Variants in BTBD9 observed in about 807,000 individuals in gnomAD.
BTBD9 encodes BTB domain containing 9.
Under a neutral mutation model 64.3 loss-of-function variants are expected in BTBD9, and 49 were observed. The observed-to-expected ratio is 0.76, with a 90% CI of 0.61 to 0.97. The LOEUF (loss-of-function observed/expected upper bound fraction) is 0.97. BTBD9 is among the 50% of genes least tolerant of loss of function. The pLI, the probability that BTBD9 is intolerant of heterozygous loss-of-function variation, is 0.00. For missense variants in BTBD9, 598 were observed against 762.1 expected, an observed-to-expected ratio of 0.78 and a Z score of 2.53; for synonymous variants, 260 against 274.7, an observed-to-expected ratio of 0.95 and a Z score of 0.53.
chr6:38,392,640 A>G (rs1028599736), intron 6 of BTBD9, among the ~76,000 whole-genome samples: 6 of 152,198 alleles, frequency 3.9e-5, no homozygotes, highest in Non-Finnish European at 5.9e-5. Flanking sequence ...CAGAGATATA[A>G]AGTAACCTGT....
intron 6 of BTBD9, among the ~76,000 whole-genome samples, chr6:38,566,496 C>CT (rs1173379962): frequency 6.6e-6 from 1 of 152,148 alleles, no homozygotes; most frequent in Non-Finnish European, 1.5e-5. Flanking sequence ...GTGCAGACAG[C>CT]TTACCGGTGT....
intron 8 of BTBD9, among the ~76,000 whole-genome samples, chr6:38,266,292 G>T (rs1251224324): frequency 1.3e-5 from 2 of 152,106 alleles, no homozygotes; most frequent in Non-Finnish European, 2.9e-5. Flanking sequence ...AAAATTCTCA[G>T]CCAGGCACGG....
intron 7 of BTBD9, among the ~76,000 whole-genome samples, chr6:38,303,366 TG>T (rs70981537): frequency 0.17 from 25,867 of 152,150 alleles, 2,352 homozygotes; most frequent in Admixed American, 0.2. Flanking sequence ...CGACTGTTCC[TG>T]CTCACCAAAC....
intron 6 of BTBD9, among the ~76,000 whole-genome samples, chr6:38,349,702 G>A (rs972618449): frequency 2.6e-5 from 4 of 152,006 alleles, no homozygotes; most frequent in African/African-American, 9.7e-5. Context: ...ATCCCCTGAG[G>A]ATAAGGAGGG....
chr6:38,607,305 A>G lies in BTBD9; in HGVS notation c.-27-9184T>C, dbSNP rs112322053. Among the ~76,000 whole-genome samples the G allele has an allele frequency of 2.8e-3, 433 of 152,312 alleles. 5 individuals carry two copies. Among genetic ancestry groups the G allele is most frequent in the African/African-American group, 9.3e-3 (388 of 41,586 alleles). On this transcript the variant is annotated intron_variant, in intron 1 of 10. Transcript: ENST00000481247. ...TGAAAAATTAAGAATAGAAACCAATATAAAGCTCAACTCAACATATACTGA... is the reference window on the plus strand; with the variant it reads ...TGAAAAATTAAGAATAGAAACCAATGTAAAGCTCAACTCAACATATACTGA...
At chr6:38,502,180 G>C (rs964453681) in intron 6 of BTBD9, among the ~76,000 whole-genome samples, 8 of 152,314 alleles carry the variant, frequency 5.3e-5, no homozygotes, top group African/African-American at 1.9e-4. Context: ...TGGGCCAGCT[G>C]CTCACCATGG....
intron 6 of BTBD9, among the ~76,000 whole-genome samples, chr6:38,434,599 G>A (rs1392758141): frequency 1.3e-5 from 2 of 151,916 alleles, no homozygotes; most frequent in Non-Finnish European, 2.9e-5. Context: ...GGTCTCCTGA[G>A]GGCTGTGTCA....
intron 9 of BTBD9, among the ~76,000 whole-genome samples, chr6:38,235,113 C>A (rs980875203): frequency 1.4e-4 from 22 of 152,174 alleles, no homozygotes; most frequent in Non-Finnish European, 3.2e-4. Flanking sequence ...TGTTCCACAG[C>A]GAGCCTGCAC....
At chr6:38,471,180 C>T (rs1374810604) in intron 6 of BTBD9, among the ~76,000 whole-genome samples, 1 of 152,134 alleles carries the variant, frequency 6.6e-6, no homozygotes, top group Admixed American at 6.5e-5. Context: ...AAATGGCTAT[C>T]AAACCTTAAC....
intron 6 of BTBD9, among the ~76,000 whole-genome samples, chr6:38,425,735 C>T (rs1768113029): frequency 6.6e-6 from 1 of 150,696 alleles, no homozygotes; most frequent in African/African-American, 2.5e-5. Context: ...CAGTGAGACC[C>T]CATCACTACC....
At chr6:38,604,259 G>A (rs1777350957) in intron 1 of BTBD9, among the ~76,000 whole-genome samples, 1 of 152,168 alleles carries the variant, frequency 6.6e-6, no homozygotes, top group Non-Finnish European at 1.5e-5. Flanking sequence ...CCAAAGTCTT[G>A]TCATTCTGTA....
At chr6:38,588,950 T>TA (rs1479458605) in intron 4 of BTBD9, among the ~76,000 whole-genome samples, 1 of 152,194 alleles carries the variant, frequency 6.6e-6, no homozygotes, top group Non-Finnish European at 1.5e-5. Context: ...ATGATTGAAT[T>TA]AAAAAAACCT....
chr6:38,434,991 T>A (rs1047677325), intron 6 of BTBD9, among the ~76,000 whole-genome samples: 1 of 151,722 alleles, frequency 6.6e-6, no homozygotes, highest in African/African-American at 2.4e-5. Flanking sequence ...GGTCGGGAGT[T>A]CGAGACCAGC....
intron 9 of BTBD9, among the ~76,000 whole-genome samples, chr6:38,222,385 C>T (rs371383951): frequency 7.9e-5 from 12 of 150,982 alleles, no homozygotes; most frequent in Admixed American, 1.3e-4. Flanking sequence ...CTCAGCCTCC[C>T]GAGTAGCTGG....
At chr6:38,251,771 A>C (rs957284875) in intron 9 of BTBD9, among the ~76,000 whole-genome samples, 17 of 152,018 alleles carry the variant, frequency 1.1e-4, no homozygotes, top group Admixed American at 9.2e-4. Context: ...ATATGCCTGT[A>C]ATCTCAACTA....
chr6:38,488,894 C>CT lies in BTBD9; in HGVS notation c.1154+88705dup, dbSNP rs66933448. On this transcript the variant is annotated intron_variant, in intron 6 of 10. Coordinates refer to ENST00000481247, the MANE Select transcript of BTBD9 (RefSeq NM_001099272.2). ...TCAACATTTTATTATTTCCTTGCAACTTTTTTTTTTTTTTTTGAGACAGAA... is the reference window on the plus strand; with the variant it reads ...TCAACATTTTATTATTTCCTTGCAACTTTTTTTTTTTTTTTTTGAGACAGAA... Among the ~76,000 whole-genome samples the CT allele has an allele frequency of 1.7e-3, 223 of 132,806 alleles. 4 individuals are homozygous for CT. The South Asian group carries it at 0.032, about 19-fold the overall frequency. The allele number at this position is 132,806 out of a possible 152,430, so 87.1% of individuals were successfully genotyped here.
At chr6:38,255,444 A>G (rs1169110978) in intron 9 of BTBD9, among the ~76,000 whole-genome samples, 1 of 152,232 alleles carries the variant, frequency 6.6e-6, no homozygotes, top group Admixed American at 6.5e-5. Context: ...TCAATTTTAA[A>G]AAGAAAAATA....
chr6:38,552,754 G>GAAA (rs201496890), intron 6 of BTBD9, among the ~76,000 whole-genome samples: 3 of 108,812 alleles, frequency 2.8e-5, no homozygotes, highest in Non-Finnish European at 5.9e-5. Context: ...AAAAGAAAAA[G>GAAA]AAAAAAAAAA....
chr6:38,258,514 AT>A (rs1411987458), intron 8 of BTBD9, among the ~76,000 whole-genome samples: 1 of 152,082 alleles, frequency 6.6e-6, no homozygotes, highest in Non-Finnish European at 1.5e-5. Flanking sequence ...CGTCTTACTG[AT>A]TTTTTCTATA....
Sources: gnomAD v4.1 joint callset for allele counts (sites outside exome capture counted in the v4.1 genomes callset) on GRCh38, gnomAD v4.1.1 for gene constraint, MANE v1.5 for transcripts, NCBI Gene and HGNC (gene_info 2026-07-23, HGNC 2026-07-21) for gene names.